Variants in CWC22 observed in about 807,000 individuals in gnomAD.
CWC22 encodes the protein pre-mRNA-splicing factor CWC22 homolog.
In CWC22, 53 loss-of-function variants were observed where a neutral mutation model predicts 117.2. The ratio of observed to expected loss-of-function variants is 0.45; its 90% confidence interval spans 0.36 to 0.57. The LOEUF (loss-of-function observed/expected upper bound fraction) is 0.57, where lower values mean the gene tolerates loss of function less well. Among genes scored for constraint, CWC22 ranks in the 20% least tolerant of loss-of-function variants. CWC22 has a pLI of 0.00. For synonymous variants in CWC22, 360 were observed against 355.6 expected, an observed-to-expected ratio of 1.01 and a Z score of -0.14; for missense variants, 980 against 1,068.8, an observed-to-expected ratio of 0.92 and a Z score of 1.16.
intron 6 of CWC22, among the ~76,000 whole-genome samples, chr2:179,977,384 A>T (rs1172522821): frequency 1.3e-5 from 2 of 152,228 alleles, no homozygotes; most frequent in Non-Finnish European, 2.9e-5. Flanking sequence ...ATGGAATACT[A>T]TTCAACCATA....
chr2:179,986,448 C>T lies in CWC22; in HGVS notation c.206+247G>A, dbSNP rs943128646. 2.6e-5 allele frequency among the ~76,000 whole-genome samples: 4 copies of T among 152,118 alleles called. 1 individual carries two copies. The highest frequency in any genetic ancestry group is 5.9e-5 in the Non-Finnish European group (4 of 67,984). On this transcript the variant is annotated intron_variant, in intron 4 of 19. Coordinates refer to ENST00000410053, the MANE Select transcript of CWC22 (RefSeq NM_020943.3). ...GGCTTGCCACTATTATGTTTCAAAA[C>T]ATGAACAAATTACTAAACTTCTCTA...
intron 6 of CWC22, among the ~76,000 whole-genome samples, chr2:179,976,952 C>T (rs969702492): frequency 6.6e-6 from 1 of 152,046 alleles, no homozygotes; most frequent in South Asian, 2.1e-4. Context: ...CTCAAGAGTA[C>T]GAGACCAGCC....
rs545471353 is a variant in CWC22, at chr2:179,992,864, T to G, written c.27+451A>C. On this transcript the variant is annotated intron_variant, in intron 2 of 19. Coordinates refer to ENST00000410053, the MANE Select transcript of CWC22 (RefSeq NM_020943.3). Reference sequence around the variant, plus strand: ...GCACAGAATAAAGAGACCATCCATCTATTCATAAGAAATATCCAAGAGGCT... The same window carrying G: ...GCACAGAATAAAGAGACCATCCATCGATTCATAAGAAATATCCAAGAGGCT... Among the ~76,000 whole-genome samples the G allele has an allele frequency of 2.2e-3, 328 of 152,348 alleles. 5 individuals are homozygous for G. Among genetic ancestry groups the G allele is most frequent in the South Asian group, 4.3e-3 (21 of 4,834 alleles).
chr2:179,971,472 T>C (rs1251911760), intron 8 of CWC22, among the ~76,000 whole-genome samples: 1 of 152,180 alleles, frequency 6.6e-6, no homozygotes, highest in East Asian at 1.9e-4. Context: ...TGATTTATAA[T>C]ACCCTTCTCC....
intron 14 of CWC22, 70 bp from the exon 15 acceptor site, chr2:179,955,104 A>G (rs1480440461): frequency 3.6e-6 from 4 of 1,125,690 alleles, no homozygotes; most frequent in Non-Finnish European, 3.9e-6. Context: ...ATTTACCAGT[A>G]TGATAGTGAC....
At position 179,965,923 on chromosome 2, in the gene CWC22, C is replaced by T. The variant is rs1322728080; in HGVS notation, c.1270G>A (p.Glu424Lys). ...NTDQDAGSSE[E>K]DEEEEEEEGE... is the part of the protein sequence containing the mutation. ...TCTTCCTCTTCTTCTTCCTCGTCCTCTTCACTACTCCCAGCATCCTGGTCT... is the reference window on the plus strand; with the variant it reads ...TCTTCCTCTTCTTCTTCCTCGTCCTTTTCACTACTCCCAGCATCCTGGTCT... The change falls in exon 12 of 20, where the codon GAG becomes AAG. Residue 424 changes from glutamate (E) to lysine (K), a missense_variant. Glu to Lys is a moderately conservative substitution (Grantham distance 56, BLOSUM62 1). This residue lies in a region of CWC22 where 559 missense variants were observed against 602.3 expected (regional missense o/e 0.93). Coordinates refer to ENST00000410053, the MANE Select transcript of CWC22 (RefSeq NM_020943.3). 4 of 1,607,496 alleles carry T rather than the reference C, an allele frequency of 2.5e-6. No homozygotes were observed. Among genetic ancestry groups the T allele is most frequent in the Non-Finnish European group, 3.4e-6 (4 of 1,174,150 alleles).
chr2:179,953,728 T>C (rs889600972), intron 16 of CWC22, among the ~76,000 whole-genome samples: 12 of 152,256 alleles, frequency 7.9e-5, no homozygotes, highest in Admixed American at 3.3e-4. Context: ...ATCCTCTCTA[T>C]AGCTTACCCA....
At chr2:179,975,685 G>C (rs754575278) in intron 6 of CWC22, among the ~76,000 whole-genome samples, 25 of 151,050 alleles carry the variant, frequency 1.7e-4, no homozygotes, top group Admixed American at 5.9e-4. Context: ...CAATAGCTAT[G>C]AAAAAAAAAG....
At chr2:179,967,875 T>C (rs1277368445) in intron 11 of CWC22, among the ~76,000 whole-genome samples, 1 of 152,156 alleles carries the variant, frequency 6.6e-6, no homozygotes, top group Non-Finnish European at 1.5e-5. Flanking sequence ...TGTTAGATAT[T>C]TGGCCAACAA....
intron 12 of CWC22, among the ~76,000 whole-genome samples, chr2:179,964,966 T>G (rs1686851157): frequency 6.6e-6 from 1 of 152,160 alleles, no homozygotes; most frequent in Non-Finnish European, 1.5e-5. Context: ...TCTTGGTAAT[T>G]TAGACGCACT....
Position 179,970,425 on chromosome 2 carries a change from T to C in CWC22, c.1210+76A>G, listed in dbSNP as rs1687002094. On this transcript the variant is annotated intron_variant, in intron 11 of 19. Coordinates refer to ENST00000410053, the MANE Select transcript of CWC22 (RefSeq NM_020943.3). ...TCATTAGGTGGGGATCTCTAAATATTTGCTATCAGTATTACGTAACTACTT... is the reference window on the plus strand; with the variant it reads ...TCATTAGGTGGGGATCTCTAAATATCTGCTATCAGTATTACGTAACTACTT... 3 of 1,300,460 alleles carry C rather than the reference T, an allele frequency of 2.3e-6. No homozygotes were observed. In the Admixed American group the frequency reaches 7.8e-5, roughly 34 times the overall value. The allele number at this position is 1,300,460 out of a possible 1,614,324, so 80.6% of individuals were successfully genotyped here. A position where few individuals can be genotyped will look rare whatever the true frequency, so the allele number is the denominator to read the frequency against.
intron 6 of CWC22, among the ~76,000 whole-genome samples, chr2:179,974,858 C>A (rs1687119031): frequency 6.6e-6 from 1 of 152,072 alleles, no homozygotes; most frequent in South Asian, 2.1e-4. Context: ...CTCAAGCAAT[C>A]CTCCCACCTC....
chr2:179,983,233 T>G (rs1416230968), intron 4 of CWC22, among the ~76,000 whole-genome samples: 1 of 152,054 alleles, frequency 6.6e-6, no homozygotes, highest in African/African-American at 2.4e-5. Flanking sequence ...TTAGCTGTTT[T>G]TCGTGATCCT....
intron 19 of CWC22, among the ~76,000 whole-genome samples, chr2:179,948,710 A>G (rs1290053491): frequency 6.6e-6 from 1 of 152,158 alleles, no homozygotes; most frequent in African/African-American, 2.4e-5. Flanking sequence ...AGGTTACAAA[A>G]TAAGTGACCA....
At chr2:179,965,756 C>T (rs1277704528) in intron 12 of CWC22, 122 bp downstream of exon 12, 1 of 820,820 alleles carries the variant, frequency 1.2e-6, no homozygotes, top group Non-Finnish European at 1.8e-6. Context: ...TCTTCACCTC[C>T]TAGACGCCAT....
chr2:179,985,009 C>T (rs1279265304), intron 4 of CWC22, among the ~76,000 whole-genome samples: 1 of 151,884 alleles, frequency 6.6e-6, no homozygotes, highest in Non-Finnish European at 1.5e-5. Context: ...GTAGGACAGA[C>T]ATTATTTTTA....
At chr2:179,967,463 T>C (rs1686921096) in intron 11 of CWC22, among the ~76,000 whole-genome samples, 1 of 152,166 alleles carries the variant, frequency 6.6e-6, no homozygotes, top group Non-Finnish European at 1.5e-5. Flanking sequence ...ACTATTTTCA[T>C]AATAATACCA....
At position 179,980,473 on chromosome 2, in the gene CWC22, AG is replaced by A. The variant is rs769571142; in HGVS notation, c.452+1278del. Among the ~76,000 whole-genome samples, 162 of 143,058 alleles carry A rather than the reference AG, an allele frequency of 1.1e-3. 1 individual carries two copies. Among genetic ancestry groups the A allele is most frequent in the Non-Finnish European group, 2.1e-3 (138 of 66,818 alleles). The allele number at this position is 143,058 out of a possible 152,430, so 93.9% of individuals were successfully genotyped here. Reference sequence around the variant, plus strand: ...CTCTCTGTTGCCCAGGCTGGAGTGCAGTGGTGCGATCTCGGCTCACTGCAAG... The same window carrying A: ...CTCTCTGTTGCCCAGGCTGGAGTGCATGGTGCGATCTCGGCTCACTGCAAG... On this transcript the variant is annotated intron_variant, in intron 5 of 19. Coordinates refer to ENST00000410053, the MANE Select transcript of CWC22 (RefSeq NM_020943.3).
intron 7 of CWC22, 149 bp from the exon 8 acceptor site, chr2:179,973,395 A>C: frequency 1.5e-6 from 1 of 679,828 alleles, no homozygotes; most frequent in Non-Finnish European, 2.5e-6. Flanking sequence ...AATAAAACAC[A>C]TGAAAGAGTA....
Sources: allele counts gnomAD v4.1 joint callset (sites outside exome capture counted in the v4.1 genomes callset), GRCh38; gene constraint gnomAD v4.1.1; regional missense constraint gnomAD v4.1.1; transcripts MANE v1.5; gene names NCBI Gene and HGNC (gene_info 2026-07-23, HGNC 2026-07-21).